ATF7: variants seen among roughly 807,000 people sequenced by gnomAD.
ATF7 encodes cyclic AMP-dependent transcription factor ATF-7.
ATF7 carries 10 observed loss-of-function variants against 50.4 expected under a neutral mutation model. The ratio of observed to expected loss-of-function variants is 0.20; its 90% CI spans 0.12 to 0.34. ATF7 has a LOEUF of 0.34. Among genes scored for constraint, ATF7 ranks in the 10% least tolerant of loss-of-function variants. ATF7 has a pLI of 1.00. For missense variants in ATF7, 465 were observed against 613.9 expected (o/e 0.76, Z 2.56); for synonymous variants, 201 against 226.4 (o/e 0.89, Z 1.01).
intron 2 of ATF7, among the ~76,000 whole-genome samples, chr12:53,563,802 T>C (rs7314664): frequency 0.087 from 13,224 of 152,330 alleles, 770 homozygotes; most frequent in Non-Finnish European, 0.13. Flanking sequence ...ACTCTTGGAT[T>C]CTCAGACCTT....
intron 5 of ATF7, among the ~76,000 whole-genome samples, chr12:53,535,711 T>C (rs1215457645): frequency 6.6e-6 from 1 of 152,182 alleles, no homozygotes; most frequent in Non-Finnish European, 1.5e-5. Flanking sequence ...ATCAGACTTC[T>C]AGTAGATACT....
chr12:53,577,717 G>GAAAAAA (rs747036727), intron 2 of ATF7, among the ~76,000 whole-genome samples: 1 of 96,304 alleles, frequency 1.0e-5, no homozygotes, highest in African/African-American at 4.1e-5. Context: ...CTCCGTCTCT[G>GAAAAAA]AAAAAAAAAA....
intron 3 of ATF7, among the ~76,000 whole-genome samples, chr12:53,551,886 T>G (rs1369240556): frequency 6.6e-6 from 1 of 152,134 alleles, no homozygotes; most frequent in Non-Finnish European, 1.5e-5. Context: ...TAGCTGAAAA[T>G]GGTACAGCAG....
intron 2 of ATF7, among the ~76,000 whole-genome samples, chr12:53,594,662 C>T (rs1473877821): frequency 2.0e-5 from 3 of 152,058 alleles, no homozygotes; most frequent in Non-Finnish European, 4.4e-5. Context: ...CTGAGGCAGG[C>T]GGATCACCTG....
intron 11 of ATF7, among the ~76,000 whole-genome samples, chr12:53,522,385 C>T: frequency 6.6e-6 from 1 of 151,042 alleles, no homozygotes; most frequent in East Asian, 1.9e-4. Context: ...ATGATGAAAC[C>T]CTGTTTCCAC....
chr12:53,567,305 T>A (rs1941493053), intron 2 of ATF7, among the ~76,000 whole-genome samples: 1 of 152,224 alleles, frequency 6.6e-6, no homozygotes, highest in African/African-American at 2.4e-5. Flanking sequence ...TGCCTCAAGC[T>A]TCCTTAGAAA....
intron 2 of ATF7, among the ~76,000 whole-genome samples, chr12:53,555,103 TG>T (rs1459672846): frequency 6.6e-6 from 1 of 152,034 alleles, no homozygotes; most frequent in East Asian, 1.9e-4. Flanking sequence ...GTGGATCACC[TG>T]AGGTCAGGAG....
intron 2 of ATF7, among the ~76,000 whole-genome samples, chr12:53,599,803 C>T (rs916012806): frequency 6.6e-5 from 10 of 152,092 alleles, no homozygotes; most frequent in Non-Finnish European, 1.3e-4. Flanking sequence ...ATGACATATT[C>T]CTAAGTGAAC....
intron 2 of ATF7, among the ~76,000 whole-genome samples, chr12:53,554,998 C>T (rs943034041): frequency 6.6e-6 from 1 of 151,352 alleles, no homozygotes; most frequent in Admixed American, 6.6e-5. Flanking sequence ...AAACTCCAGG[C>T]ACCATCTTTT....
chr12:53,598,570 C>T (rs1478062947), intron 2 of ATF7, among the ~76,000 whole-genome samples: 4 of 152,136 alleles, frequency 2.6e-5, no homozygotes, highest in Non-Finnish European at 5.9e-5. Flanking sequence ...CACAACCTTA[C>T]GAGAAGGAAC....
chr12:53,533,221 G>C lies in ATF7; in HGVS notation c.599C>G (p.Ala200Gly), dbSNP rs1274279486. The stretch of plus-strand genomic sequence containing the variant: ...CAACACAGGCATGGTCTGTCCATTA[G>C]CAAGATGCATGACAAGAGGGAGGGA... ...TGSLPLVMHLANGQTMPVLPG... is the reference protein window; with the variant it reads ...TGSLPLVMHLGNGQTMPVLPG... The change falls in exon 7 of 12, where the codon GCT becomes GGT. Residue 200 changes from alanine (A) to glycine (G), a missense_variant. By Grantham distance (60) the Ala-to-Gly change is moderately conservative. Transcript: ENST00000420353. The C allele has an allele frequency of 1.9e-6, 3 of 1,613,746 alleles. No individual in the cohort carries two copies. The highest frequency in any genetic ancestry group is 2.7e-5 in the African/African-American group (2 of 74,926).
chr12:53,610,050 C>G (rs1358862366), intron 1 of ATF7, among the ~76,000 whole-genome samples: 1 of 151,832 alleles, frequency 6.6e-6, no homozygotes, highest in African/African-American at 2.4e-5. Context: ...CTCCTGACCT[C>G]AAGTGATCCG....
intron 2 of ATF7, among the ~76,000 whole-genome samples, chr12:53,555,490 ATTTTTTTTTTTTT>A (rs543048867): frequency 3.9e-4 from 39 of 100,758 alleles, no homozygotes; most frequent in East Asian, 3.8e-3. Flanking sequence ...AAATAATATA[ATTTTTTTTTTTTT>A]TTTTTTTTTT....
rs1938895499 is a variant in ATF7 at position 53,531,597 on chromosome 12, A to T, written c.927+147T>A. 9 of 766,894 alleles carry T rather than the reference A, an allele frequency of 1.2e-5. 1 individual carries two copies. In the South Asian group the frequency reaches 1.8e-4, roughly 15 times the overall value. 47.5% of individuals were successfully genotyped at this position (766,894 alleles called of 1,614,324 possible). Reference sequence around the variant, plus strand: ...TAAAAAGAATGGTACGTTTTGCTATAGTCAAACTGCCATCAAGAACCAAAG... The same window carrying T: ...TAAAAAGAATGGTACGTTTTGCTATTGTCAAACTGCCATCAAGAACCAAAG... On this transcript the variant is annotated intron_variant, in intron 9 of 11. Transcript: ENST00000420353.
intron 1 of ATF7, among the ~76,000 whole-genome samples, chr12:53,613,781 C>G (rs969506123): frequency 1.5e-4 from 22 of 143,684 alleles, no homozygotes; most frequent in Non-Finnish European, 4.5e-5. Context: ...CCCACCTCAA[C>G]CCCCCAAAGT....
chr12:53,547,986 C>T (rs1209539415), intron 3 of ATF7, among the ~76,000 whole-genome samples: 2 of 152,110 alleles, frequency 1.3e-5, no homozygotes, highest in Admixed American at 6.6e-5. Flanking sequence ...GATCTCCTAC[C>T]TCAGCCTCCT....
At chr12:53,549,323 CA>C (rs1382880344) in intron 3 of ATF7, among the ~76,000 whole-genome samples, 9 of 135,220 alleles carry the variant, frequency 6.7e-5, no homozygotes, top group Admixed American at 2.2e-4. Flanking sequence ...CCCCCCAAAA[CA>C]AAAAAAAAAC....
chr12:53,587,366 C>CATTAAAAAAAAA (rs1942733037), intron 2 of ATF7, among the ~76,000 whole-genome samples: 1 of 62,264 alleles, frequency 1.6e-5, no homozygotes, highest in Non-Finnish European at 3.0e-5. Flanking sequence ...AATTCCGCAT[C>CATTAAAAAAAAA]AAAAAAAAAA....
intron 5 of ATF7, among the ~76,000 whole-genome samples, chr12:53,535,085 C>T (rs920949736): frequency 6.6e-6 from 1 of 152,122 alleles, no homozygotes; most frequent in Non-Finnish European, 1.5e-5. Context: ...ACATCTCCAA[C>T]ACACCTCTTA....
Sources: allele counts gnomAD v4.1 joint callset (sites outside exome capture counted in the v4.1 genomes callset), GRCh38; gene constraint gnomAD v4.1.1; transcripts MANE v1.5; gene names NCBI Gene and HGNC (gene_info 2026-07-23, HGNC 2026-07-21).